The following CPS1 variants were observed in gnomAD, a reference collection of about 807,000 sequenced individuals.
CPS1 encodes carbamoyl-phosphate synthase [ammonia], mitochondrial.
A neutral mutation model predicts 174.6 loss-of-function variants in CPS1; 109 were observed. That is an observed-to-expected ratio of 0.62 (90% confidence interval 0.53 to 0.73). CPS1 has a LOEUF of 0.73. Among genes scored for constraint, CPS1 ranks in the 30% least tolerant of loss-of-function variants. CPS1 has a pLI of 0.00. For synonymous variants in CPS1, 637 were observed against 632.0 expected, an observed-to-expected ratio of 1.01 and a Z score of -0.12; for missense variants, 1,689 against 1,821.9, an observed-to-expected ratio of 0.93 and a Z score of 1.33.
At chr2:210,508,445 A>C (rs1435785144) in intron 1 of CPS1, among the ~76,000 whole-genome samples, 1 of 152,016 alleles carries the variant, frequency 6.6e-6, no homozygotes, top group Admixed American at 6.6e-5. Context: ...TAAAATTGAC[A>C]CCCTAACATC....
At position 210,652,543 on chromosome 2, in the gene CPS1, TAACTCCTGAG is replaced by T. The variant is rs1428211781; in HGVS notation, c.3481-1481_3481-1472del. ...GTGGAGGGTGAAAGAGGATAAAGGATAACTCCTGAGTTTTCTGCCTTGGATAACTGGGTAG... is the reference window on the plus strand; with the variant it reads ...GTGGAGGGTGAAAGAGGATAAAGGATTTTTCTGCCTTGGATAACTGGGTAG... On this transcript the variant is annotated intron_variant, in intron 28 of 37. Coordinates refer to ENST00000233072, the MANE Select transcript of CPS1 (RefSeq NM_001875.5). 4.6e-5 allele frequency among the ~76,000 whole-genome samples: 7 copies of T among 152,294 alleles called. No individual in the cohort carries two copies. In the South Asian group the frequency reaches 8.3e-4, roughly 18 times the overall value.
At chr2:210,512,925 T>G (rs867891933) in intron 1 of CPS1, among the ~76,000 whole-genome samples, 4 of 60,338 alleles carry the variant, frequency 6.6e-5, no homozygotes, top group East Asian at 4.1e-4. Flanking sequence ...TATATGGAGA[T>G]ATATATATAT....
In CPS1 at chr2:210,547,053, A is replaced by G. The variant is rs185756885; in HGVS notation, c.4-9666A>G. 6.4e-3 allele frequency among the ~76,000 whole-genome samples: 980 copies of G among 152,150 alleles called. 6 individuals carry two copies. The highest frequency in any genetic ancestry group is 9.9e-3 in the Non-Finnish European group (671 of 67,986). On this transcript the variant is annotated intron_variant, in intron 1 of 38. Transcript: ENST00000430249. ...CTGCCAGGAGTCAGGATGGACTTTC[A>G]GTGTTGAAGAGCCATCTTGGCCTGT...
chr2:210,477,707 AG>A, exon 1 of CPS1: 1 of 1,607,800 alleles, frequency 6.2e-7, no homozygotes, highest in South Asian at 1.1e-5. Flanking sequence ...TTGCTTTCTT[AG>A]GAAATGTAGT....
At chr2:210,486,279 TTATA>T (rs1694723278) in intron 1 of CPS1, among the ~76,000 whole-genome samples, 1 of 152,028 alleles carries the variant, frequency 6.6e-6, no homozygotes, top group Admixed American at 6.6e-5. Flanking sequence ...TGAGAGATCT[TTATA>T]TATAAGTCAT....
At chr2:210,506,220 G>C (rs1466696349) in intron 1 of CPS1, among the ~76,000 whole-genome samples, 1 of 152,150 alleles carries the variant, frequency 6.6e-6, no homozygotes, top group African/African-American at 2.4e-5. Flanking sequence ...AACATTTGCT[G>C]TTCGCCAATA....
At chr2:210,573,736 T>C (rs1392369170) in intron 2 of CPS1, among the ~76,000 whole-genome samples, 2 of 152,082 alleles carry the variant, frequency 1.3e-5, no homozygotes, top group East Asian at 3.8e-4. Flanking sequence ...ATGGGTCTGA[T>C]TAAGGTGAAA....
intron 6 of CPS1, among the ~76,000 whole-genome samples, chr2:210,583,497 G>A (rs1178274125): frequency 6.6e-6 from 1 of 152,128 alleles, no homozygotes; most frequent in Non-Finnish European, 1.5e-5. Context: ...ATCAGAGAAG[G>A]CCCTGTAGAA....
intron 1 of CPS1, among the ~76,000 whole-genome samples, chr2:210,482,657 T>TGA (rs1405285901): frequency 6.9e-5 from 8 of 115,520 alleles, no homozygotes; most frequent in African/African-American, 1.8e-4. Context: ...CATATGCTGG[T>TGA]GAGAGAGAGA....
intron 23 of CPS1, among the ~76,000 whole-genome samples, chr2:210,639,715 A>G (rs1480380636): frequency 6.6e-6 from 1 of 151,976 alleles, no homozygotes; most frequent in East Asian, 1.9e-4. Context: ...TAAGATAATG[A>G]AATCAAACAA....
At chr2:210,567,301 A>G (rs1697334955) in intron 1 of CPS1, among the ~76,000 whole-genome samples, 1 of 152,150 alleles carries the variant, frequency 6.6e-6, no homozygotes, top group Non-Finnish European at 1.5e-5. Flanking sequence ...AATGCCAAAG[A>G]TGTACCAGGA....
In CPS1 at chr2:210,593,602, T is replaced by C. The variant is rs543263713; in HGVS notation, c.1164+646T>C. The C allele has an allele frequency of 6.5e-5, 64 of 985,482 alleles. No homozygotes were observed. The East Asian group carries it at 5.6e-3, about 86-fold the overall frequency. The allele number at this position is 985,482 out of a possible 1,614,324, so 61.0% of individuals were successfully genotyped here. A position where few individuals can be genotyped will look rare whatever the true frequency, so the allele number is the denominator to read the frequency against. ...GATATCCAGAAAAATCTGAAGTCTA[T>C]TGTGACTTCCCCACACCCAGGGGCC... On this transcript the variant is annotated intron_variant, in intron 11 of 37. Coordinates refer to ENST00000233072, the MANE Select transcript of CPS1 (RefSeq NM_001875.5).
chr2:210,503,520 G>A (rs1286932713), intron 1 of CPS1, among the ~76,000 whole-genome samples: 1 of 152,014 alleles, frequency 6.6e-6, no homozygotes, highest in Non-Finnish European at 1.5e-5. Flanking sequence ...CTTTGTTGGT[G>A]GCCTCTTTTT....
chr2:210,562,250 AC>A (rs1323554811), intron 1 of CPS1, among the ~76,000 whole-genome samples: 2 of 152,082 alleles, frequency 1.3e-5, no homozygotes, highest in African/African-American at 2.4e-5. Context: ...AAGTAAATTA[AC>A]CTTTTGATTT....
At chr2:210,555,529 CTTAAA>C (rs1434656906), upstream of CPS1, 5 of 438,954 alleles carry the variant, frequency 1.1e-5, no homozygotes, top group East Asian at 2.1e-4. Context: ...AGCGTGAGGA[CTTAAA>C]TTAAACTTTG....
At chr2:210,649,831 T>C (rs960330921) in intron 27 of CPS1, among the ~76,000 whole-genome samples, 1 of 152,218 alleles carries the variant, frequency 6.6e-6, no homozygotes, top group Non-Finnish European at 1.5e-5. Flanking sequence ...AAGGATATAG[T>C]TGAAAAGGTT....
intron 1 of CPS1, among the ~76,000 whole-genome samples, chr2:210,548,893 G>C (rs559147383): frequency 1.3e-5 from 2 of 152,178 alleles, no homozygotes; most frequent in Admixed American, 1.3e-4. Context: ...TCCTATTTCC[G>C]ATTTCCAGGA....
rs571873343 is a variant in CPS1 at position 210,650,456 on chromosome 2, T to G, written c.3480+18T>G. The G allele has an allele frequency of 6.5e-7, 1 of 1,528,298 alleles. No individual in the cohort carries two copies. The highest frequency in any genetic ancestry group is 2.3e-5 in the East Asian group (1 of 44,442). 94.7% of individuals were successfully genotyped at this position (1,528,298 alleles called of 1,614,324 possible). ...TTTCTCAGGTAGTGTCCAATTTCTT[T>G]GTAGTGACTGTTATCTCTTAATAAA... On this transcript the variant is annotated intron_variant, in intron 28 of 37. Transcript: ENST00000233072.
In CPS1 at chr2:210,660,519, T is replaced by A; in HGVS notation, c.3791T>A (p.Phe1264Tyr). The A allele has an allele frequency of 6.2e-7, 1 of 1,614,154 alleles. No individual in the cohort carries two copies. ...IECNLRASRS[F>Y]PFVSKTLGVD... ...TGTAACTTGAGAGCTTCTCGATCCT[T>A]CCCCTTTGTTTCCAAGACTCTTGGG... is the stretch of plus-strand genomic sequence containing the variant. Residue 1264 changes from phenylalanine to tyrosine, a missense_variant, in exon 32 of 38, where the codon TTC becomes TAC. Coordinates refer to ENST00000233072, the MANE Select transcript of CPS1 (RefSeq NM_001875.5).
Sources: allele counts gnomAD v4.1 joint callset (sites outside exome capture counted in the v4.1 genomes callset), GRCh38; gene constraint gnomAD v4.1.1; transcripts MANE v1.5; gene names NCBI Gene and HGNC (gene_info 2026-07-23, HGNC 2026-07-21).